HDAC4: variants seen among roughly 807,000 people sequenced by gnomAD.
HDAC4 encodes the protein histone deacetylase A.
A neutral mutation model predicts 135.1 loss-of-function variants in HDAC4; 16 were observed. The observed-to-expected ratio is 0.12, with a 90% confidence interval of 0.08 to 0.18. The LOEUF (loss-of-function observed/expected upper bound fraction) is 0.18. Among genes scored for constraint, HDAC4 ranks in the 10% least tolerant of loss-of-function variants. HDAC4 has a pLI of 1.00. For synonymous variants in HDAC4, 685 were observed against 653.4 expected, an observed-to-expected ratio of 1.05 and a Z score of -0.74; for missense variants, 1,143 against 1,511.8, an observed-to-expected ratio of 0.76 and a Z score of 4.05.
At position 239,352,816 on chromosome 2, in the gene HDAC4, G is replaced by T; in HGVS notation, c.-117C>A. On this transcript the variant is annotated 5_prime_UTR_variant, in exon 2 of 27. Coordinates refer to ENST00000543185, the MANE Select transcript of HDAC4 (RefSeq NM_001378414.1). The surrounding 1 kb of genome is among the most constrained non-coding windows in gnomAD (Gnocchi z 4.4). ...ACATACAAGTACCGGGACGGTGAGG[G>T]CTGGGTCACAGACGTTCAAGCGCCG... 1 of 1,066,660 alleles carries T rather than the reference G, an allele frequency of 9.4e-7. No individual in the cohort carries two copies. The highest frequency in any genetic ancestry group is 1.4e-6 in the Non-Finnish European group (1 of 707,668). The allele number at this position is 1,066,660 out of a possible 1,614,324, so 66.1% of individuals were successfully genotyped here.
At chr2:239,148,862 G>T (rs2041929465) in intron 7 of HDAC4, among the ~76,000 whole-genome samples, 1 of 152,186 alleles carries the variant, frequency 6.6e-6, no homozygotes, top group South Asian at 2.1e-4. Flanking sequence ...GGTCTCCTAG[G>T]TCTGCTGAAA....
Position 239,060,656 on chromosome 2 carries a change from G to A in HDAC4, c.3004-5823C>T, listed in dbSNP as rs1190387317. Among the ~76,000 whole-genome samples the A allele has an allele frequency of 3.3e-5, 5 of 152,226 alleles. No homozygotes were observed. The South Asian group carries it at 6.2e-4, about 19-fold the overall frequency. On this transcript the variant is annotated intron_variant, in intron 24 of 26. Transcript: ENST00000543185. ...AGACAGTTTTAACCCTTAAAAAGCC[G>A]CTTGATGTTATCTCCTAAAGGTGAA...
At chr2:239,107,837 A>T (rs1238310902) in intron 15 of HDAC4, among the ~76,000 whole-genome samples, 1 of 152,198 alleles carries the variant, frequency 6.6e-6, no homozygotes, top group Non-Finnish European at 1.5e-5. Context: ...TCCTGCAGGG[A>T]GGGTACGGGA....
rs2052128778 is a variant in HDAC4, at chr2:239,299,602, C to T, written c.22+53076G>A. 6.6e-6 allele frequency among the ~76,000 whole-genome samples: 1 copy of T among 152,226 alleles called. No homozygotes were observed. The highest frequency in any genetic ancestry group is 2.4e-5 in the African/African-American group (1 of 41,454). ...TTAACAGACTAAGGGCCAACATTTGCTTACTGGCTAAGTGATTTTCAATAG... is the reference window on the plus strand; with the variant it reads ...TTAACAGACTAAGGGCCAACATTTGTTTACTGGCTAAGTGATTTTCAATAG... On this transcript the variant is annotated intron_variant, in intron 2 of 26. Coordinates refer to ENST00000543185, the MANE Select transcript of HDAC4 (RefSeq NM_001378414.1). The surrounding 1 kb of genome is among the most constrained non-coding windows in gnomAD (Gnocchi z 4.0).
intron 12 of HDAC4, among the ~76,000 whole-genome samples, chr2:239,121,053 A>G (rs2039645019): frequency 6.7e-6 from 1 of 148,220 alleles, no homozygotes; most frequent in African/African-American, 2.5e-5. Flanking sequence ...GCTGGAGTGC[A>G]GTCATGCATT....
chr2:239,092,640 C>T (rs2036623372), intron 17 of HDAC4, among the ~76,000 whole-genome samples: 1 of 152,268 alleles, frequency 6.6e-6, no homozygotes, highest in African/African-American at 2.4e-5. Flanking sequence ...AACTGCAGGA[C>T]CCCAGTCCCC....
intron 2 of HDAC4, among the ~76,000 whole-genome samples, chr2:239,288,267 A>G (rs947444980): frequency 1.3e-5 from 2 of 152,240 alleles, no homozygotes; most frequent in African/African-American, 2.4e-5. Context: ...ACGGAGTAAA[A>G]GCATTTGGCT....
chr2:239,328,205 G>A (rs764071075), intron 2 of HDAC4, among the ~76,000 whole-genome samples: 12 of 152,218 alleles, frequency 7.9e-5, no homozygotes, highest in Admixed American at 5.9e-4. Context: ...GAGCCCTGGC[G>A]CTGGCCCAAG....
At chr2:239,383,065 T>C (rs1695529692) in intron 1 of HDAC4, among the ~76,000 whole-genome samples, 1 of 152,208 alleles carries the variant, frequency 6.6e-6, no homozygotes, top group Non-Finnish European at 1.5e-5. Flanking sequence ...TTTCACTGTG[T>C]AACTGCCCAC....
intron 7 of HDAC4, among the ~76,000 whole-genome samples, chr2:239,148,711 T>A (rs569706456): frequency 6.6e-6 from 1 of 152,260 alleles, no homozygotes; most frequent in African/African-American, 2.4e-5. Context: ...CTGGAAGACG[T>A]GCATGACCAA....
intron 4 of HDAC4, among the ~76,000 whole-genome samples, chr2:239,178,297 G>T (rs2043903695): frequency 6.6e-6 from 1 of 152,204 alleles, no homozygotes; most frequent in Non-Finnish European, 1.5e-5. Context: ...TAGACATAGG[G>T]TCTCGCTCTG....
chr2:239,059,941 G>T (rs994191054), intron 24 of HDAC4, among the ~76,000 whole-genome samples: 1 of 152,160 alleles, frequency 6.6e-6, no homozygotes, highest in African/African-American at 2.4e-5. Context: ...GCTCTCCGGG[G>T]GCCCTTGGAT....
chr2:239,272,146 C>G (rs766411604), intron 2 of HDAC4, among the ~76,000 whole-genome samples: 1 of 152,208 alleles, frequency 6.6e-6, no homozygotes, highest in Non-Finnish European at 1.5e-5. Flanking sequence ...GCAATAAAAT[C>G]TGCCTCTCTC....
rs2052119360 is a variant in HDAC4 at position 239,299,471 on chromosome 2, C to G, written c.22+53207G>C. ...CTCGCACAACCACGGCACTGGGGTG[C>G]CGAAACCAGAAGAGACATGCACACG... On this transcript the variant is annotated intron_variant, in intron 2 of 26. Coordinates refer to ENST00000543185, the MANE Select transcript of HDAC4 (RefSeq NM_001378414.1). The surrounding 1 kb of genome is among the most constrained non-coding windows in gnomAD (Gnocchi z 4.0). Among the ~76,000 whole-genome samples the G allele has an allele frequency of 6.6e-6, 1 of 152,218 alleles. No homozygotes were observed. Among genetic ancestry groups the G allele is most frequent in the Non-Finnish European group, 1.5e-5 (1 of 68,044 alleles).
At chr2:239,353,878 G>A (rs960856556) in intron 1 of HDAC4, among the ~76,000 whole-genome samples, 4 of 152,136 alleles carry the variant, frequency 2.6e-5, no homozygotes, top group Admixed American at 2.0e-4. Flanking sequence ...ATAGACATTC[G>A]TAGTCACAAT....
At chr2:239,252,958 G>C (rs2048864423) in intron 2 of HDAC4, among the ~76,000 whole-genome samples, 1 of 152,228 alleles carries the variant, frequency 6.6e-6, no homozygotes, top group African/African-American at 2.4e-5. Context: ...TTGCAACGGA[G>C]AGCCCGCTGG....
chr2:239,219,062 G>A (rs709271), intron 3 of HDAC4, among the ~76,000 whole-genome samples: 64,425 of 127,588 alleles, frequency 0.5, 17,081 homozygotes, highest in South Asian at 0.67. Flanking sequence ...TCAGTGTGGC[G>A]ATTCCTCAGG....
At chr2:239,367,559 A>T (rs2125991628) in intron 1 of HDAC4, among the ~76,000 whole-genome samples, 1 of 152,280 alleles carries the variant, frequency 6.6e-6, no homozygotes, top group Non-Finnish European at 1.5e-5. Context: ...GAGCACCAAC[A>T]TGAAAACCCA....
At chr2:239,229,259 G>A (rs371497864) in intron 3 of HDAC4, among the ~76,000 whole-genome samples, 2 of 152,192 alleles carry the variant, frequency 1.3e-5, no homozygotes, top group African/African-American at 2.4e-5. Context: ...AATTGTACAC[G>A]ACACACACAT....
Sources: gnomAD v4.1 joint callset for allele counts (sites outside exome capture counted in the v4.1 genomes callset) on GRCh38, gnomAD v4.1.1 for gene constraint, Gnocchi (gnomAD v3.1) non-coding constraint, MANE v1.5 for transcripts, NCBI Gene and HGNC (gene_info 2026-07-23, HGNC 2026-07-21) for gene names.